The following CRIP2 variants were observed in gnomAD, a reference collection of about 807,000 sequenced individuals.
The protein encoded by CRIP2 is cysteine rich protein 2.
A neutral mutation model predicts 31.3 loss-of-function variants in CRIP2; 31 were observed. The ratio of observed to expected loss-of-function variants is 0.99; its 90% CI spans 0.74 to 1.34. The LOEUF (loss-of-function observed/expected upper bound fraction) is 1.34, where lower values mean the gene tolerates loss of function less well. Among genes scored for constraint, CRIP2 ranks in the 40% most tolerant of loss-of-function variants. The pLI, the probability that CRIP2 is intolerant of heterozygous loss-of-function variation, is 0.00. For missense variants in CRIP2, 389 were observed against 301.6 expected, an observed-to-expected ratio of 1.29 and a Z score of -2.15; for synonymous variants, 177 against 127.2, an observed-to-expected ratio of 1.39 and a Z score of -2.63.
chr14:105,478,336 G>T lies in CRIP2; in HGVS notation c.114G>T (p.Thr38=), dbSNP rs1595454998. 1 of 1,563,582 alleles carries T rather than the reference G, an allele frequency of 6.4e-7. No homozygotes were observed. ...FCLKCERCSK[T]LTPGGHAEHD... ...TCAAGTGCGAGCGCTGCAGCAAGAC[G>T]CTGACGCCCGGGGGCCACGCCGAGG... The change falls in exon 2 of 8, where the codon ACG becomes ACT. Residue 38 remains threonine (T), a synonymous_variant. Transcript: ENST00000329146. This position sits in a 1 kb window ranked among gnomAD's most constrained non-coding sequence, Gnocchi z 4.9.
intron 1 of CRIP2, among the ~76,000 whole-genome samples, chr14:105,475,675 A>C (rs1335920771): frequency 1.3e-5 from 2 of 152,240 alleles, no homozygotes; most frequent in Non-Finnish European, 2.9e-5. Flanking sequence ...ATGTCTCGCA[A>C]GGCGGCCCTC....
In CRIP2 at chr14:105,474,996, T is replaced by C; in HGVS notation, c.43+91T>C. 1 of 1,302,544 alleles carries C rather than the reference T, an allele frequency of 7.7e-7. No homozygotes were observed. The highest frequency in any genetic ancestry group is 9.9e-7 in the Non-Finnish European group (1 of 1,012,162). 80.7% of individuals were successfully genotyped at this position (1,302,544 alleles called of 1,614,324 possible). ...CGCAGAGCCGCGGCGTAACTCGGGG[T>C]GCGCCCGGCCCCGGCCCCGGACCGA... On this transcript the variant is annotated intron_variant, in intron 1 of 7. Coordinates refer to ENST00000329146, the MANE Select transcript of CRIP2 (RefSeq NM_001312.4). The surrounding 1 kb of genome is among the most constrained non-coding windows in gnomAD (Gnocchi z 5.1).
rs1486101653 is a variant in CRIP2, at chr14:105,478,786, G to C, written c.252G>C (p.Gly84=). The part of the protein sequence containing the change: ...SYIYEKPLAE[G]PQVTGPIEVP... ...TCTACGAGAAGCCCCTGGCGGAGGG[G>C]CCGCAGGTCACCGGCCCCATCGAGG... is the stretch of plus-strand genomic sequence containing the variant. Residue 84 remains glycine, a synonymous_variant, in exon 4 of 8, where the codon GGG becomes GGC. Transcript: ENST00000329146. This position sits in a 1 kb window ranked among gnomAD's most constrained non-coding sequence, Gnocchi z 4.9. 1 of 1,433,948 alleles carries C rather than the reference G, an allele frequency of 7.0e-7. No homozygotes were observed. The highest frequency in any genetic ancestry group is 9.1e-7 in the Non-Finnish European group (1 of 1,101,318). 88.8% of individuals were successfully genotyped at this position (1,433,948 alleles called of 1,614,324 possible). A position where few individuals can be genotyped will look rare whatever the true frequency, so the allele number is the denominator to read the frequency against.
chr14:105,478,606 G>A lies in CRIP2; in HGVS notation c.196+99G>A, dbSNP rs1283179374. 1 of 1,517,716 alleles carries A rather than the reference G, an allele frequency of 6.6e-7. No homozygotes were observed. Among genetic ancestry groups the A allele is most frequent in the Non-Finnish European group, 8.9e-7 (1 of 1,129,688 alleles). 94.0% of individuals were successfully genotyped at this position (1,517,716 alleles called of 1,614,324 possible). A position where few individuals can be genotyped will look rare whatever the true frequency, so the allele number is the denominator to read the frequency against. ...GGGGTCCCGGCCGCCGTGGATCCCCGCCCAGAGTCCCTGCCACCCTGGAAA... is the reference window on the plus strand; with the variant it reads ...GGGGTCCCGGCCGCCGTGGATCCCCACCCAGAGTCCCTGCCACCCTGGAAA... On this transcript the variant is annotated intron_variant, in intron 3 of 7. Transcript: ENST00000329146. The surrounding 1 kb of genome is among the most constrained non-coding windows in gnomAD (Gnocchi z 4.9).
At chr14:105,474,681 G>A, upstream of CRIP2, 2 of 749,590 alleles carry the variant, frequency 2.7e-6, no homozygotes, top group Non-Finnish European at 3.2e-6. The surrounding 1 kb of genome is among the most constrained non-coding windows in gnomAD (Gnocchi z 5.1). Flanking sequence ...ACCCCCGGCA[G>A]GTGCGCCCCG....
At position 105,474,879 on chromosome 14, in the gene CRIP2, C is replaced by A. The variant is rs1171311208; in HGVS notation, c.17C>A (p.Pro6His). MASKC[P>H]KCDKTVYFAE... ...GCACCGACCATGGCCTCCAAATGCC[C>A]CAAGTGCGACAAGACCGTGTACTTC... The change falls in exon 1 of 8, where the codon CCC becomes CAC. Residue 6 changes from proline (P) to histidine (H), a missense_variant. Coordinates refer to ENST00000329146, the MANE Select transcript of CRIP2 (RefSeq NM_001312.4). The surrounding 1 kb of genome is among the most constrained non-coding windows in gnomAD (Gnocchi z 5.1). The A allele has an allele frequency of 6.6e-7, 1 of 1,518,966 alleles. No homozygotes were observed. Among genetic ancestry groups the A allele is most frequent in the South Asian group, 1.2e-5 (1 of 81,722 alleles). 94.1% of individuals were successfully genotyped at this position (1,518,966 alleles called of 1,614,324 possible). A position where few individuals can be genotyped will look rare whatever the true frequency, so the allele number is the denominator to read the frequency against.
chr14:105,476,233 G>T, intron 1 of CRIP2: 1 of 985,446 alleles, frequency 1.0e-6, no homozygotes, highest in Non-Finnish European at 1.2e-6. Context: ...GCTCTCCAGG[G>T]TCTCGGCCAA....
rs1299997573 is a variant in CRIP2, at chr14:105,479,200, C to T, written c.482C>T (p.Thr161Ile). 3.7e-6 allele frequency: 6 copies of T among 1,611,160 alleles called. No individual in the cohort carries two copies. The highest frequency in any genetic ancestry group is 2.2e-5 in the East Asian group (1 of 44,828). Residue 161 changes from threonine to isoleucine, a missense_variant, in exon 6 of 8, where the codon ACC becomes ATC. Transcript: ENST00000329146. ...TGCGAGCGCTGCGGGAAGACACTGA[C>T]CCCCGGCGGGCACGCGGAGGTGAGG... is the stretch of plus-strand genomic sequence containing the variant. ...LRCERCGKTL[T>I]PGGHAEHDGQ...
In CRIP2 at chr14:105,478,661, G is replaced by A. The variant is rs2084009110; in HGVS notation, c.197-70G>A. 7 of 1,460,238 alleles carry A rather than the reference G, an allele frequency of 4.8e-6. No homozygotes were observed. Among genetic ancestry groups the A allele is most frequent in the South Asian group, 1.3e-5 (1 of 74,660 alleles). 90.5% of individuals were successfully genotyped at this position (1,460,238 alleles called of 1,614,324 possible). A position where few individuals can be genotyped will look rare whatever the true frequency, so the allele number is the denominator to read the frequency against. On this transcript the variant is annotated intron_variant, in intron 3 of 7. Transcript: ENST00000329146. This position sits in a 1 kb window ranked among gnomAD's most constrained non-coding sequence, Gnocchi z 4.9. Reference sequence around the variant, plus strand: ...AGTGCCCCCCAGTCCCCAGCGGGCCGTTTTCTGAGATGCCCGGTGGCCGCG... The same window carrying A: ...AGTGCCCCCCAGTCCCCAGCGGGCCATTTTCTGAGATGCCCGGTGGCCGCG...
Position 105,479,047 on chromosome 14 carries a change from G to A in CRIP2, c.406G>A (p.Ala136Thr). ...GCGCTGCAGCAAGAAGGTGTACTTCGGTGAGTGCGCGCCCGGGCCCCGGAC... is the reference window on the plus strand; with the variant it reads ...GCGCTGCAGCAAGAAGGTGTACTTCAGTGAGTGCGCGCCCGGGCCCCGGAC... The part of the protein sequence containing the change: ...CPRCSKKVYF[A>T]EKVTSLGKDW... Residue 136 changes from alanine to threonine, a missense_variant and splice_region_variant, in exon 5 of 8, where the codon GCT (alanine) becomes ACT (threonine). Ala to Thr is a moderately conservative substitution (Grantham distance 58). Coordinates refer to ENST00000329146, the MANE Select transcript of CRIP2 (RefSeq NM_001312.4). The A allele has an allele frequency of 6.3e-7, 1 of 1,575,044 alleles. No homozygotes were observed. Among genetic ancestry groups the A allele is most frequent in the South Asian group, 1.2e-5 (1 of 86,232 alleles).
rs782767179 is a variant in CRIP2 at position 105,479,625 on chromosome 14, G to A, written c.599G>A (p.Arg200Gln). 2.5e-5 allele frequency: 40 copies of A among 1,612,490 alleles called. No individual in the cohort carries two copies. The highest frequency in any genetic ancestry group is 5.0e-5 in the Admixed American group (3 of 59,970). ...TGAVGSYIYDRDPEGKVQP is the reference protein window; with the variant it reads ...TGAVGSYIYDQDPEGKVQP ...GCGGTGGGCAGCTACATCTATGACC[G>A]GGACCCCGAAGGCAAGGTCCAGCCC... Residue 200 changes from arginine to glutamine, a missense_variant, in exon 8 of 8, where the codon CGG becomes CAG. Transcript: ENST00000329146.
rs1555436712 is a variant in CRIP2, at chr14:105,479,139, T to A, written c.421T>A (p.Ser141Thr). The A allele has an allele frequency of 1.2e-6, 2 of 1,611,376 alleles. No homozygotes were observed. The highest frequency in any genetic ancestry group is 1.3e-5 in the African/African-American group (1 of 74,782). Residue 141 changes from serine (S) to threonine (T), a missense_variant, in exon 6 of 8, where the codon TCT becomes ACT. Transcript: ENST00000329146. ...CCCCTTTCCAGCTGAGAAGGTGACG[T>A]CTCTGGGCAAGGATTGGCACCGGCC... ...KKVYFAEKVT[S>T]LGKDWHRPCL...
rs1555436886 is a variant in CRIP2 at position 105,479,509 on chromosome 14, G to A, written c.559+16G>A. 1.2e-6 allele frequency: 2 copies of A among 1,612,924 alleles called. No individual in the cohort carries two copies. Among genetic ancestry groups the A allele is most frequent in the South Asian group, 1.1e-5 (1 of 91,076 alleles). ...GGACCCAAGGGTGAGTGTAGCCAGGGTGGTCCACGATGTCTTCCCTGCCCT... is the reference window on the plus strand; with the variant it reads ...GGACCCAAGGGTGAGTGTAGCCAGGATGGTCCACGATGTCTTCCCTGCCCT... On this transcript the variant is annotated intron_variant, in intron 7 of 7. Coordinates refer to ENST00000329146, the MANE Select transcript of CRIP2 (RefSeq NM_001312.4).
upstream of CRIP2, chr14:105,473,102 C>T: frequency 2.9e-6 from 3 of 1,019,328 alleles, no homozygotes; most frequent in Admixed American, 2.4e-5. Flanking sequence ...CCCAGGCTCC[C>T]AAGCTGGGCA....
Position 105,480,161 on chromosome 14 carries a change from C to T in CRIP2, c.*508C>T, listed in dbSNP as rs372982548. ...CTGTCAATAAACGGTTTGAGGATTG[C>T]AGGATTGTCTCTGCTTGTGGGATGG... On this transcript the variant is annotated 3_prime_UTR_variant, in exon 8 of 8. Transcript: ENST00000329146. 32 of 166,148 alleles carry T rather than the reference C, an allele frequency of 1.9e-4. No homozygotes were observed. The South Asian group carries it at 4.0e-3, about 21-fold the overall frequency. The allele number at this position is 166,148 out of a possible 1,614,324, so 10.3% of individuals were successfully genotyped here.
intron 1 of CRIP2, among the ~76,000 whole-genome samples, chr14:105,475,662 G>A (rs2083916383): frequency 6.6e-6 from 1 of 152,230 alleles, no homozygotes; most frequent in South Asian, 2.1e-4. Context: ...GGCGGGAAGA[G>A]GGATGTCTCG....
chr14:105,479,551 T>C (rs782005577), intron 7 of CRIP2, 35 bp from the exon 8 acceptor site: 2 of 1,612,590 alleles, frequency 1.2e-6, no homozygotes, highest in African/African-American at 2.7e-5. Context: ...CCCTCCACTG[T>C]TCCCCCGACC....
rs1555436329 is a variant in CRIP2 at position 105,478,261 on chromosome 14, C to T, written c.44-5C>T. ...CCTGACCCCCCTGCCGCCCCTCCCG[C>T]TCAGCCGAGAAGGTGAGCTCCCTGG... On this transcript the variant is annotated splice_region_variant and splice_polypyrimidine_tract_variant and intron_variant, in intron 1 of 7. Transcript: ENST00000329146. The surrounding 1 kb of genome is among the most constrained non-coding windows in gnomAD (Gnocchi z 4.9). 6 of 1,543,156 alleles carry T rather than the reference C, an allele frequency of 3.9e-6. No individual in the cohort carries two copies. The African/African-American group carries it at 4.2e-5, about 11-fold the overall frequency.
Position 105,475,934 on chromosome 14 carries a change from G to A in CRIP2, c.43+1029G>A, listed in dbSNP as rs587733891. On this transcript the variant is annotated intron_variant, in intron 1 of 7. Transcript: ENST00000329146. ...CCCATACCCAGAATGCGGCCAGGCT[G>A]CAGGGAAGGCCGCCACTGGGCTTCC... 5.1e-6 allele frequency: 5 copies of A among 985,560 alleles called. No individual in the cohort carries two copies. The South Asian group carries it at 2.3e-4, about 46-fold the overall frequency. 61.1% of individuals were successfully genotyped at this position (985,560 alleles called of 1,614,324 possible). A position where few individuals can be genotyped will look rare whatever the true frequency, so the allele number is the denominator to read the frequency against.
Sources: allele counts gnomAD v4.1 joint callset (sites outside exome capture counted in the v4.1 genomes callset), GRCh38; gene constraint gnomAD v4.1.1; non-coding constraint Gnocchi (gnomAD v3.1); transcripts MANE v1.5; gene names NCBI Gene and HGNC (gene_info 2026-07-23, HGNC 2026-07-21).